Variants in COG2 observed in about 807,000 individuals in gnomAD.
COG2 encodes the protein component of oligomeric golgi complex 2, also known as conserved oligomeric Golgi complex subunit 2.
Under a neutral mutation model 90.6 loss-of-function variants are expected in COG2, and 52 were observed. That is an observed-to-expected ratio of 0.57 (90% CI 0.46 to 0.72). The LOEUF (loss-of-function observed/expected upper bound fraction) is 0.72, where lower values mean the gene tolerates loss of function less well. COG2 is among the 30% of genes least tolerant of loss of function. The probability of loss-of-function intolerance (pLI) is 0.00; values close to 1 mark genes in which losing one functional copy is unlikely to be tolerated. For missense variants in COG2, 829 were observed against 891.2 expected, an observed-to-expected ratio of 0.93 and a Z score of 0.89; for synonymous variants, 337 against 320.4, an observed-to-expected ratio of 1.05 and a Z score of -0.55.
chr1:230,646,765 G>T (rs1319756413), intron 1 of COG2, among the ~76,000 whole-genome samples: 4 of 151,974 alleles, frequency 2.6e-5, no homozygotes, highest in African/African-American at 9.7e-5. Context: ...GGTAATACTA[G>T]ACCTGAGGTA....
Position 230,693,447 on chromosome 1 carries a change from C to A in COG2, c.*54C>A. ...CTTAAGCAAGAGAAGAGTTGGACTT[C>A]CAGGCTGAAGGGGAGAAAGTGACTC... On this transcript the variant is annotated 3_prime_UTR_variant, in exon 18 of 18. Transcript: ENST00000366669. 1.7e-6 allele frequency: 2 copies of A among 1,167,582 alleles called. No homozygotes were observed. The highest frequency in any genetic ancestry group is 1.3e-5 in the South Asian group (1 of 74,838). 72.3% of individuals were successfully genotyped at this position (1,167,582 alleles called of 1,614,324 possible). A position where few individuals can be genotyped will look rare whatever the true frequency, so the allele number is the denominator to read the frequency against.
At position 230,663,215 on chromosome 1, in the gene COG2, A is replaced by G. The variant is rs758033391; in HGVS notation, c.375A>G (p.Lys125=). The change falls in exon 4 of 18, where the codon AAA becomes AAG. Residue 125 remains lysine, a synonymous_variant. Transcript: ENST00000366669. ...TGTCTAAACAAGAGGACATTAGGAA[A>G]AAAAAGGTATACTCAAATATTACAA... The part of the protein sequence containing the change: ...ERMSKQEDIR[K]KKMCVLRLIQ... 1.1e-5 allele frequency: 18 copies of G among 1,610,814 alleles called. No individual in the cohort carries two copies. Among genetic ancestry groups the G allele is most frequent in the Non-Finnish European group, 1.4e-5 (17 of 1,178,404 alleles).
At position 230,693,351 on chromosome 1, in the gene COG2, T is replaced by C. The variant is rs748337913; in HGVS notation, c.2175T>C (p.Leu725=). Residue 725 remains leucine, a synonymous_variant, in exon 18 of 18, where the codon CTT becomes CTC. Coordinates refer to ENST00000366669, the MANE Select transcript of COG2 (RefSeq NM_007357.3). ...DIKSFSALAE[L]VAAAKDQATA... is the part of the protein sequence containing the mutation. ...AAAGCTTCTCAGCTCTCGCAGAGCTTGTTGCTGCTGCCAAGGACCAGGCAA... is the reference window on the plus strand; with the variant it reads ...AAAGCTTCTCAGCTCTCGCAGAGCTCGTTGCTGCTGCCAAGGACCAGGCAA... 1.9e-6 allele frequency: 3 copies of C among 1,613,676 alleles called. No individual in the cohort carries two copies. Among genetic ancestry groups the C allele is most frequent in the Non-Finnish European group, 2.5e-6 (3 of 1,179,740 alleles).
intron 1 of COG2, among the ~76,000 whole-genome samples, chr1:230,656,432 G>T (rs572524560): frequency 1.7e-3 from 260 of 152,242 alleles, no homozygotes; most frequent in African/African-American, 6.1e-3. Context: ...TTGCACTGTG[G>T]TTTGCGAGTC....
chr1:230,692,664 G>A (rs1392921997), intron 17 of COG2, among the ~76,000 whole-genome samples: 2 of 152,080 alleles, frequency 1.3e-5, no homozygotes, highest in Admixed American at 6.5e-5. Context: ...CCGCAGTCTC[G>A]GTCCCCAGAA....
At chr1:230,679,772 TC>T (rs1268740724) in intron 10 of COG2, 2 of 152,250 alleles carry the variant, frequency 1.3e-5, no homozygotes, top group African/African-American at 4.8e-5. Context: ...GGTATGTTCT[TC>T]CGTAGAATGG....
At position 230,685,121 on chromosome 1, in the gene COG2, C is replaced by T; in HGVS notation, c.1265C>T (p.Thr422Ile). 1 of 1,614,156 alleles carries T rather than the reference C, an allele frequency of 6.2e-7. No homozygotes were observed. Among genetic ancestry groups the T allele is most frequent in the Non-Finnish European group, 8.5e-7 (1 of 1,180,012 alleles). ...SPYCLLASHR[T>I]WSSLRRCWSD... is the part of the protein sequence containing the mutation. ...TATTGCCTTTTGGCTTCTCATAGAA[C>T]TTGGAGCAGCCTTAGGAGGTGTTGG... Residue 422 changes from threonine (T) to isoleucine (I), a missense_variant, in exon 12 of 18, where the codon ACT (threonine) becomes ATT (isoleucine). Transcript: ENST00000366669.
chr1:230,677,137 C>T (rs1485356640), intron 9 of COG2, among the ~76,000 whole-genome samples: 4 of 152,084 alleles, frequency 2.6e-5, no homozygotes, highest in African/African-American at 9.7e-5. Flanking sequence ...TTTAGACAGG[C>T]TCACCCTATC....
At chr1:230,678,149 G>C (rs1375737275) in intron 9 of COG2, 1 of 985,418 alleles carries the variant, frequency 1.0e-6, no homozygotes, top group Non-Finnish European at 1.2e-6. Context: ...CTTAGAGCCT[G>C]GGGGCTTCGG....
At chr1:230,669,289 T>C (rs1662390547) in intron 6 of COG2, 67 bp from the exon 7 acceptor site, 1 of 1,437,688 alleles carries the variant, frequency 7.0e-7, no homozygotes, top group Non-Finnish European at 9.5e-7. Flanking sequence ...TTGTTATATA[T>C]CTACTTGCAG....
chr1:230,691,544 G>A lies in COG2; in HGVS notation c.2095G>A (p.Val699Ile), dbSNP rs1475809083. 1 of 1,613,898 alleles carries A rather than the reference G, an allele frequency of 6.2e-7. No individual in the cohort carries two copies. ...DKIRLQLALD[V>I]EYLGEQIQKL... ...AATCAGGCTGCAGTTGGCCCTAGAT[G>A]TTGAGTACTTGGGAGAGCAGGTAAC... Residue 699 changes from valine to isoleucine, a missense_variant, in exon 17 of 18, where the codon GTT becomes ATT. Coordinates refer to ENST00000366669, the MANE Select transcript of COG2 (RefSeq NM_007357.3).
At position 230,678,921 on chromosome 1, in the gene COG2, C is replaced by T. The variant is rs759237469; in HGVS notation, c.1035C>T (p.Thr345=). 2.0e-5 allele frequency: 32 copies of T among 1,611,162 alleles called. No individual in the cohort carries two copies. Among genetic ancestry groups the T allele is most frequent in the Non-Finnish European group, 2.7e-5 (32 of 1,178,462 alleles). Residue 345 remains threonine, a synonymous_variant, in exon 10 of 18, where the codon ACC becomes ACT. Coordinates refer to ENST00000366669, the MANE Select transcript of COG2 (RefSeq NM_007357.3). ...CTTTTGTTTTATTTTAGAAATATAC[C>T]ATAAGTATGGATTTTGTCAGAAGAT... is the stretch of plus-strand genomic sequence containing the variant. ...GNPDAFHEKY[T]ISMDFVRRLE...
At chr1:230,659,684 T>TA in intron 2 of COG2, 59 bp downstream of exon 2, 1 of 1,539,552 alleles carries the variant, frequency 6.5e-7, no homozygotes, top group South Asian at 1.2e-5. Context: ...CACTCATACT[T>TA]ATTCTTAGAA....
At chr1:230,688,253 G>A (rs2102774088) in intron 14 of COG2, 110 bp downstream of exon 14, 1 of 1,192,592 alleles carries the variant, frequency 8.4e-7, no homozygotes. Context: ...GTAAATCCTT[G>A]GTTGTTTCTC....
At chr1:230,665,447 A>G (rs1357527851) in intron 5 of COG2, among the ~76,000 whole-genome samples, 1 of 152,178 alleles carries the variant, frequency 6.6e-6, no homozygotes, top group African/African-American at 2.4e-5. Flanking sequence ...ACCAACCAGG[A>G]CCAAATGGAA....
At position 230,693,726 on chromosome 1, in the gene COG2, T is replaced by C. The variant is rs1663100670; in HGVS notation, c.*333T>C. 1 of 172,004 alleles carries C rather than the reference T, an allele frequency of 5.8e-6. No homozygotes were observed. The highest frequency in any genetic ancestry group is 6.3e-5 in the Admixed American group (1 of 15,908). 10.7% of individuals were successfully genotyped at this position (172,004 alleles called of 1,614,324 possible). On this transcript the variant is annotated 3_prime_UTR_variant, in exon 18 of 18. Coordinates refer to ENST00000366669, the MANE Select transcript of COG2 (RefSeq NM_007357.3). ...CTAAAATATGATTAAAGTAAATATATACCTATGAATATCAAGAGTCGTCTC... is the reference window on the plus strand; with the variant it reads ...CTAAAATATGATTAAAGTAAATATACACCTATGAATATCAAGAGTCGTCTC...
At chr1:230,673,463 T>C (rs1662506012) in intron 8 of COG2, among the ~76,000 whole-genome samples, 1 of 152,248 alleles carries the variant, frequency 6.6e-6, no homozygotes, top group Non-Finnish European at 1.5e-5. Context: ...ATTCGTGATT[T>C]CTCCTCCAGA....
In COG2 at chr1:230,687,117, C is replaced by A; in HGVS notation, c.1563C>A (p.Asp521Glu). 6.2e-7 allele frequency: 1 copy of A among 1,610,918 alleles called. No individual in the cohort carries two copies. Among genetic ancestry groups the A allele is most frequent in the Non-Finnish European group, 8.5e-7 (1 of 1,178,204 alleles). Residue 521 changes from aspartate (D) to glutamate (E), a missense_variant, in exon 13 of 18, where the codon GAC becomes GAA. Transcript: ENST00000366669. ...TCGTGTATGTGGTTGCAGACCTGGACAAGCTTCAGGAGCAGGTAAGCCTGT... is the reference window on the plus strand; with the variant it reads ...TCGTGTATGTGGTTGCAGACCTGGAAAAGCTTCAGGAGCAGGTAAGCCTGT... Reference protein sequence around the residue: ...TQLVYVVADLDKLQEQLPELL... With the variant: ...TQLVYVVADLEKLQEQLPELL...
intron 16 of COG2, 65 bp downstream of exon 16, chr1:230,690,218 G>A (rs375901424): frequency 1.9e-5 from 27 of 1,457,344 alleles, no homozygotes; most frequent in Admixed American, 7.3e-5. Flanking sequence ...AAACCCCCAA[G>A]GCAATCAAGC....
Sources: gnomAD v4.1 joint callset for allele counts (sites outside exome capture counted in the v4.1 genomes callset) on GRCh38, gnomAD v4.1.1 for gene constraint, MANE v1.5 for transcripts, NCBI Gene and HGNC (gene_info 2026-07-23, HGNC 2026-07-21) for gene names.